EEPD1: variants seen among roughly 807,000 people sequenced by gnomAD.
EEPD1 encodes endonuclease/exonuclease/phosphatase family domain containing 1.
Under a neutral mutation model 46.3 loss-of-function variants are expected in EEPD1, and 17 were observed. The ratio of observed to expected loss-of-function variants is 0.37; its 90% CI spans 0.25 to 0.55. The LOEUF (loss-of-function observed/expected upper bound fraction) is 0.55, where lower values mean the gene tolerates loss of function less well. Ranked by LOEUF, EEPD1 falls within the 20% of genes least tolerant of loss-of-function variation. The pLI, the probability that EEPD1 is intolerant of heterozygous loss-of-function variation, is 0.83. For synonymous variants in EEPD1, 313 were observed against 315.6 expected (o/e 0.99, Z 0.09); for missense variants, 673 against 745.6 (o/e 0.90, Z 1.13).
intron 2 of EEPD1, among the ~76,000 whole-genome samples, chr7:36,178,662 C>T (rs1785224138): frequency 6.6e-6 from 1 of 152,206 alleles, no homozygotes; most frequent in Non-Finnish European, 1.5e-5. Flanking sequence ...TGTGCCCCCT[C>T]AGGAGCCCTC....
intron 3 of EEPD1, among the ~76,000 whole-genome samples, chr7:36,243,225 G>A (rs562084801): frequency 4.6e-5 from 7 of 151,784 alleles, no homozygotes; most frequent in Admixed American, 6.6e-5. Context: ...GTAGAGTATC[G>A]TTTATTATCA....
intron 2 of EEPD1, among the ~76,000 whole-genome samples, chr7:36,184,376 G>C (rs1785326589): frequency 6.6e-6 from 1 of 152,162 alleles, no homozygotes; most frequent in Non-Finnish European, 1.5e-5. Flanking sequence ...CCAGAGTACT[G>C]TTGTGTTTTG....
chr7:36,270,408 A>G (rs888935083), intron 3 of EEPD1, among the ~76,000 whole-genome samples: 17 of 152,122 alleles, frequency 1.1e-4, no homozygotes, highest in African/African-American at 4.1e-4. Context: ...TGCTGAACCC[A>G]TCAATCCATC....
At position 36,281,154 on chromosome 7, in the gene EEPD1, C is replaced by CTTGCCCGGG; in HGVS notation, c.970_971insTTGCCCGGG (p.Arg324delinsLeuAlaArgGly). The stretch of plus-strand genomic sequence containing the variant: ...AAACCAGCCGACCCTGCCCAACATC[C>CTTGCCCGGG]GCAAGTGGAAGGGGCCCCGGGGATG... On this transcript the variant is annotated protein_altering_variant, in exon 4 of 8. Coordinates refer to ENST00000242108, the MANE Select transcript of EEPD1 (RefSeq NM_030636.3). 6.2e-7 allele frequency: 1 copy of CTTGCCCGGG among 1,614,160 alleles called. No homozygotes were observed. Among genetic ancestry groups the CTTGCCCGGG allele is most frequent in the Non-Finnish European group, 8.5e-7 (1 of 1,180,044 alleles).
At chr7:36,291,059 G>C (rs1021161162) in intron 6 of EEPD1, among the ~76,000 whole-genome samples, 8 of 152,208 alleles carry the variant, frequency 5.3e-5, no homozygotes, top group Non-Finnish European at 5.9e-5. Flanking sequence ...ACACAGAGCT[G>C]GCTCTATTGA....
rs533025684 is a variant in EEPD1, at chr7:36,299,675, TTGAG to T, written c.*472_*475del. 1.6e-4 allele frequency: 26 copies of T among 161,288 alleles called. No homozygotes were observed. The highest frequency in any genetic ancestry group is 3.0e-3 in the Middle Eastern group (1 of 336). 10.0% of individuals were successfully genotyped at this position (161,288 alleles called of 1,614,324 possible). On this transcript the variant is annotated 3_prime_UTR_variant, in exon 8 of 8. Transcript: ENST00000242108. ...TGATCAGGCACTCTGCTCAGATACATTGAGTGGCGATTTTTAGTTTTGTTTTGAA... is the reference window on the plus strand; with the variant it reads ...TGATCAGGCACTCTGCTCAGATACATTGGCGATTTTTAGTTTTGTTTTGAA...
chr7:36,213,381 G>T (rs1346514129), intron 2 of EEPD1, among the ~76,000 whole-genome samples: 3 of 152,248 alleles, frequency 2.0e-5, no homozygotes, highest in African/African-American at 4.8e-5. Context: ...GGTGCAATTT[G>T]CTTGGAAAGT....
intron 3 of EEPD1, among the ~76,000 whole-genome samples, chr7:36,248,940 C>A (rs1786686083): frequency 6.7e-6 from 1 of 149,868 alleles, no homozygotes; most frequent in Admixed American, 6.7e-5. Context: ...CAGGACCTCG[C>A]TGCCGGAAAG....
rs905050354 is a variant in EEPD1, at chr7:36,225,208, C to G, written c.879-13777C>G. Among the ~76,000 whole-genome samples, 2 of 152,296 alleles carry G rather than the reference C, an allele frequency of 1.3e-5. No homozygotes were observed. The highest frequency in any genetic ancestry group is 3.9e-4 in the East Asian group (2 of 5,188). ...CCAAGTTTGTGATAATTTGTTAGAACAGCCACAGAAAACAACACAAATGCC... is the reference window on the plus strand; with the variant it reads ...CCAAGTTTGTGATAATTTGTTAGAAGAGCCACAGAAAACAACACAAATGCC... On this transcript the variant is annotated intron_variant, in intron 2 of 7. Coordinates refer to ENST00000242108, the MANE Select transcript of EEPD1 (RefSeq NM_030636.3). This position sits in a 1 kb window ranked among gnomAD's most constrained non-coding sequence, Gnocchi z 4.2.
At chr7:36,174,212 T>C (rs932479804) in intron 2 of EEPD1, among the ~76,000 whole-genome samples, 12 of 152,220 alleles carry the variant, frequency 7.9e-5, no homozygotes, top group African/African-American at 2.9e-4. Flanking sequence ...TTACCCACGC[T>C]TACCTCCTTA....
chr7:36,196,413 CT>C (rs1785586822), intron 2 of EEPD1, among the ~76,000 whole-genome samples: 1 of 149,144 alleles, frequency 6.7e-6, no homozygotes, highest in African/African-American at 2.6e-5. Context: ...CCCTCTCCCT[CT>C]CCCATCTCCC....
intron 6 of EEPD1, among the ~76,000 whole-genome samples, chr7:36,295,604 A>G (rs1354038280): frequency 6.6e-6 from 1 of 152,218 alleles, no homozygotes; most frequent in Non-Finnish European, 1.5e-5. Flanking sequence ...TTGATGAGGG[A>G]TGCAGTGAGA....
chr7:36,277,253 C>T (rs1787195604), intron 3 of EEPD1, among the ~76,000 whole-genome samples: 4 of 152,256 alleles, frequency 2.6e-5, no homozygotes, highest in South Asian at 4.1e-4. Context: ...CAGACCCTCC[C>T]GCTAACTGTG....
intron 2 of EEPD1, among the ~76,000 whole-genome samples, chr7:36,162,796 G>A (rs1784921098): frequency 6.6e-6 from 1 of 152,158 alleles, no homozygotes; most frequent in African/African-American, 2.4e-5. Flanking sequence ...AAGCTGTTAA[G>A]CTGGGCCTTA....
intron 3 of EEPD1, among the ~76,000 whole-genome samples, chr7:36,268,934 T>C (rs916760635): frequency 1.2e-4 from 18 of 152,220 alleles, no homozygotes; most frequent in Non-Finnish European, 1.0e-4. Context: ...CCAGGCAGCC[T>C]TTCTCTAGAG....
intron 2 of EEPD1, among the ~76,000 whole-genome samples, chr7:36,177,322 G>C (rs1785199486): frequency 6.6e-6 from 1 of 151,788 alleles, no homozygotes; most frequent in Non-Finnish European, 1.5e-5. Context: ...TTGTTACATG[G>C]GTATATTGCA....
chr7:36,289,079 G>C (rs1430522036), intron 6 of EEPD1, among the ~76,000 whole-genome samples: 1 of 152,184 alleles, frequency 6.6e-6, no homozygotes, highest in Admixed American at 6.5e-5. Context: ...CAGTCAAACT[G>C]TAGGCTCACA....
intron 3 of EEPD1, among the ~76,000 whole-genome samples, chr7:36,242,766 T>C (rs958043531): frequency 3.0e-4 from 7 of 23,426 alleles, no homozygotes; most frequent in African/African-American, 1.2e-3. Flanking sequence ...CTAATAAAAA[T>C]ACAAAAAAAA....
At chr7:36,252,176 C>G (rs563877191) in intron 3 of EEPD1, among the ~76,000 whole-genome samples, 1 of 152,162 alleles carries the variant, frequency 6.6e-6, no homozygotes, top group African/African-American at 2.4e-5. Context: ...AATATCCATG[C>G]GGATTACAGA....
Sources: allele counts gnomAD v4.1 joint callset (sites outside exome capture counted in the v4.1 genomes callset), GRCh38; gene constraint gnomAD v4.1.1; non-coding constraint Gnocchi (gnomAD v3.1); transcripts MANE v1.5; gene names NCBI Gene and HGNC (gene_info 2026-07-23, HGNC 2026-07-21).